ANKHD1: variants seen among roughly 807,000 people sequenced by gnomAD.
The protein encoded by ANKHD1 is ankyrin repeat and KH domain containing 1.
A neutral mutation model predicts 230.5 loss-of-function variants in ANKHD1; 31 were observed. That is an observed-to-expected ratio of 0.13 (90% confidence interval 0.10 to 0.18). The LOEUF is 0.18. Among genes scored for constraint, ANKHD1 ranks in the 10% least tolerant of loss-of-function variants. The pLI, the probability that ANKHD1 is intolerant of heterozygous loss-of-function variation, is 1.00. For synonymous variants in ANKHD1, 1,074 were observed against 1,117.6 expected, an observed-to-expected ratio of 0.96 and a Z score of 0.78; for missense variants, 2,256 against 3,071.3, an observed-to-expected ratio of 0.73 and a Z score of 6.27.
At chr5:140,451,844 T>C (rs920583328) in intron 7 of ANKHD1, among the ~76,000 whole-genome samples, 51 of 152,264 alleles carry the variant, frequency 3.3e-4, no homozygotes, top group African/African-American at 1.1e-3. Flanking sequence ...AACCTTATTT[T>C]TCTACTCAGT....
intron 10 of ANKHD1, among the ~76,000 whole-genome samples, chr5:140,478,238 A>T (rs1218980877): frequency 1.3e-5 from 2 of 152,174 alleles, no homozygotes; most frequent in East Asian, 3.9e-4. Context: ...AAGTTAACAC[A>T]ATAGAAAATA....
intron 1 of ANKHD1, among the ~76,000 whole-genome samples, chr5:140,403,716 C>T (rs1205172281): frequency 2.0e-5 from 3 of 152,068 alleles, no homozygotes; most frequent in African/African-American, 7.2e-5. Context: ...AGTACTGTAC[C>T]GTGATTGTTT....
chr5:140,515,357 T>C (rs1375775540), intron 24 of ANKHD1, among the ~76,000 whole-genome samples: 1 of 152,126 alleles, frequency 6.6e-6, no homozygotes, highest in African/African-American at 2.4e-5. Flanking sequence ...TGTGAAGAAA[T>C]TTAGTAAAGC....
intron 1 of ANKHD1, among the ~76,000 whole-genome samples, chr5:140,405,043 C>A (rs1354756485): frequency 1.3e-5 from 2 of 148,620 alleles, no homozygotes; most frequent in Admixed American, 1.4e-4. Context: ...AGTCTCCATA[C>A]CATGTAATTA....
chr5:140,426,925 C>G (rs944005939), intron 1 of ANKHD1, among the ~76,000 whole-genome samples: 4 of 152,226 alleles, frequency 2.6e-5, no homozygotes, highest in African/African-American at 9.6e-5. Flanking sequence ...TCTTTCTACA[C>G]AGACACGGCA....
At chr5:140,462,793 A>C (rs546912078) in intron 9 of ANKHD1, among the ~76,000 whole-genome samples, 1 of 151,738 alleles carries the variant, frequency 6.6e-6, no homozygotes, top group Non-Finnish European at 1.5e-5. Flanking sequence ...CCAGTTTCCA[A>C]AGTGATGAGG....
At chr5:140,505,920 A>G in intron 18 of ANKHD1, 51 bp downstream of exon 18, 1 of 1,530,280 alleles carries the variant, frequency 6.5e-7, no homozygotes, top group Admixed American at 2.3e-5. Flanking sequence ...GTATTTTAAA[A>G]TATGCATATG....
At chr5:140,526,496 G>A in intron 26 of ANKHD1, 53 bp downstream of exon 26, 2 of 1,535,484 alleles carry the variant, frequency 1.3e-6, no homozygotes. Context: ...CTTCATGCCT[G>A]GTACAAGAAT....
chr5:140,446,786 CA>C (rs1265351514), intron 6 of ANKHD1, among the ~76,000 whole-genome samples: 1 of 152,054 alleles, frequency 6.6e-6, no homozygotes, highest in Non-Finnish European at 1.5e-5. Context: ...TATATACAAA[CA>C]TATATATATT....
intron 7 of ANKHD1, among the ~76,000 whole-genome samples, chr5:140,454,903 C>T (rs1200600792): frequency 6.6e-6 from 1 of 151,580 alleles, no homozygotes; most frequent in African/African-American, 2.4e-5. Context: ...AAAAACCCTT[C>T]AAAAAAAATC....
At chr5:140,472,643 T>G (rs904446887) in intron 10 of ANKHD1, among the ~76,000 whole-genome samples, 13 of 152,302 alleles carry the variant, frequency 8.5e-5, no homozygotes, top group Admixed American at 7.2e-4. Context: ...TCAACTTTGT[T>G]CATCAAAAAT....
chr5:140,467,778 A>G lies in ANKHD1; in HGVS notation c.1782+3002A>G, dbSNP rs137870188. Among the ~76,000 whole-genome samples the G allele has an allele frequency of 7.0e-3, 1,059 of 152,322 alleles. 11 individuals are homozygous for G. The highest frequency in any genetic ancestry group is 0.014 in the Middle Eastern group (4 of 294). ...GAAAGAAAAAGTTCTAGTCAAAAAC[A>G]GGGAAACCTCAGAGTAAAGCAGGCA... On this transcript the variant is annotated intron_variant, in intron 10 of 33. Transcript: ENST00000360839.
rs115552134 is a variant in ANKHD1, at chr5:140,507,021, C to G, written c.3551+44C>G. 1 of 1,600,202 alleles carries G rather than the reference C, an allele frequency of 6.2e-7. No homozygotes were observed. Among genetic ancestry groups the G allele is most frequent in the Non-Finnish European group, 8.5e-7 (1 of 1,174,804 alleles). On this transcript the variant is annotated intron_variant, in intron 19 of 33. Transcript: ENST00000360839. This position sits in a 1 kb window ranked among gnomAD's most constrained non-coding sequence, Gnocchi z 4.1. The stretch of plus-strand genomic sequence containing the variant: ...ATTGTTCATGTTTAGTAAGTTACTA[C>G]TTTGGACTTAAATGTCTACCTCTTA...
At chr5:140,436,064 T>C (rs542147555) in intron 1 of ANKHD1, 40 bp from the exon 2 acceptor site, 15 of 1,457,050 alleles carry the variant, frequency 1.0e-5, no homozygotes, top group Non-Finnish European at 1.3e-5. Flanking sequence ...ATCATATTGA[T>C]ATCAGTTTCA....
chr5:140,424,814 G>T (rs906957238), intron 1 of ANKHD1, among the ~76,000 whole-genome samples: 1 of 152,178 alleles, frequency 6.6e-6, no homozygotes, highest in Admixed American at 6.5e-5. Flanking sequence ...ACACTCTGTT[G>T]TTTAGAAGAT....
chr5:140,528,984 T>C lies in ANKHD1; in HGVS notation c.6038T>C (p.Leu2013Pro), dbSNP rs969201597. ...CCTGCAAGTACTTCTCAAGCACAGCTTTCTTCACAAAAGATGGAGTCTTTC... is the reference window on the plus strand; with the variant it reads ...CCTGCAAGTACTTCTCAAGCACAGCCTTCTTCACAAAAGATGGAGTCTTTC... ...FLPASTSQAQ[L>P]SSQKMESFSA... Residue 2013 changes from leucine (L) to proline (P), a missense_variant, in exon 29 of 34, where the codon CTT (leucine) becomes CCT (proline). Coordinates refer to ENST00000360839, the MANE Select transcript of ANKHD1 (RefSeq NM_017747.3). 2 of 1,614,206 alleles carry C rather than the reference T, an allele frequency of 1.2e-6. No homozygotes were observed. Among genetic ancestry groups the C allele is most frequent in the Admixed American group, 1.7e-5 (1 of 60,034 alleles).
chr5:140,458,518 G>C, intron 7 of ANKHD1, 107 bp from the exon 8 acceptor site: 1 of 1,174,358 alleles, frequency 8.5e-7, no homozygotes. Context: ...TTCTAATCTT[G>C]TCTTTTTTCT....
intron 14 of ANKHD1, among the ~76,000 whole-genome samples, chr5:140,491,119 CATAT>C (rs1240035842): frequency 6.6e-4 from 31 of 46,924 alleles, no homozygotes; most frequent in African/African-American, 1.4e-3. Context: ...CACACACACA[CATAT>C]ATATATATAT....
intron 29 of ANKHD1, among the ~76,000 whole-genome samples, chr5:140,533,862 C>T (rs1361220973): frequency 6.6e-6 from 1 of 150,622 alleles, no homozygotes; most frequent in Non-Finnish European, 1.5e-5. Context: ...TCATTTCCTA[C>T]TTACAGACTT....
Sources: allele counts gnomAD v4.1 joint callset (sites outside exome capture counted in the v4.1 genomes callset), GRCh38; gene constraint gnomAD v4.1.1; non-coding constraint Gnocchi (gnomAD v3.1); transcripts MANE v1.5; gene names NCBI Gene and HGNC (gene_info 2026-07-23, HGNC 2026-07-21).